MICU1: variants seen among roughly 807,000 people sequenced by gnomAD.
MICU1 encodes mitochondrial calcium uptake 1, also known as calcium uptake protein 1, mitochondrial.
In MICU1, 45 loss-of-function variants were observed where a neutral mutation model predicts 56.8. That is an observed-to-expected ratio of 0.79 (90% CI 0.62 to 1.02). The LOEUF (loss-of-function observed/expected upper bound fraction) is 1.02, where lower values mean the gene tolerates loss of function less well. Ranked by LOEUF, MICU1 falls within the 50% of genes least tolerant of loss-of-function variation. The probability of loss-of-function intolerance (pLI) is 0.00; values close to 1 mark genes in which losing one functional copy is unlikely to be tolerated. For synonymous variants in MICU1, 186 were observed against 195.1 expected, an observed-to-expected ratio of 0.95 and a Z score of 0.39; for missense variants, 504 against 587.1, an observed-to-expected ratio of 0.86 and a Z score of 1.46.
intron 3 of MICU1, among the ~76,000 whole-genome samples, chr10:72,555,429 G>A (rs185109303): frequency 2.0e-4 from 31 of 152,156 alleles, no homozygotes; most frequent in African/African-American, 3.4e-4. Flanking sequence ...TTTTTTCTGT[G>A]ATTTGACAAC....
chr10:72,484,799 A>G (rs2132289244), intron 6 of MICU1, among the ~76,000 whole-genome samples: 1 of 152,340 alleles, frequency 6.6e-6, no homozygotes, highest in South Asian at 2.1e-4. Context: ...GTCATCATTT[A>G]CCTACATTAG....
chr10:72,552,720 AAT>A (rs1403593658), intron 3 of MICU1, among the ~76,000 whole-genome samples: 2 of 151,904 alleles, frequency 1.3e-5, no homozygotes, highest in African/African-American at 4.8e-5. Context: ...ACGCCCGGCT[AAT>A]GTTTTGTATT....
chr10:72,583,870 G>C (rs1840972955), intron 1 of MICU1, among the ~76,000 whole-genome samples: 1 of 152,134 alleles, frequency 6.6e-6, no homozygotes, highest in South Asian at 2.1e-4. Flanking sequence ...ACATTTCATA[G>C]CTTAAAGTGA....
In MICU1 at chr10:72,562,923, T is replaced by C. The variant is rs1370548175; in HGVS notation, c.302A>G (p.Lys101Arg). ...DLAPHPEEKK[K>R]KRSGFRDRKV... The stretch of plus-strand genomic sequence containing the variant: ...TCTGTCTCTGAATCCAGAACGTTTC[T>C]TCTTTTTCTCTTCTGGGTGAGGGGC... The change falls in exon 3 of 12, where the codon AAG (lysine) becomes AGG (arginine). Residue 101 changes from lysine to arginine, a missense_variant. Coordinates refer to ENST00000361114, the MANE Select transcript of MICU1 (RefSeq NM_001195518.2). The C allele has an allele frequency of 1.2e-6, 2 of 1,601,246 alleles. No individual in the cohort carries two copies. Among genetic ancestry groups the C allele is most frequent in the Non-Finnish European group, 1.7e-6 (2 of 1,175,842 alleles).
In MICU1 at chr10:72,605,456, T is replaced by C. The variant is rs559729788; in HGVS notation, c.-2+20554A>G. Among the ~76,000 whole-genome samples the C allele has an allele frequency of 4.6e-5, 7 of 152,342 alleles. No individual in the cohort carries two copies. In the East Asian group the frequency reaches 1.2e-3, roughly 25 times the overall value. ...TCTGCCTATGAAGTAGTCACCCATT[T>C]ATCCCCTTACTTTCTTAATAAACTT... is the stretch of plus-strand genomic sequence containing the variant. On this transcript the variant is annotated intron_variant, in intron 1 of 11. Coordinates refer to ENST00000361114, the MANE Select transcript of MICU1 (RefSeq NM_001195518.2).
At chr10:72,468,840 T>C (rs370670013) in intron 8 of MICU1, among the ~76,000 whole-genome samples, 2 of 152,344 alleles carry the variant, frequency 1.3e-5, no homozygotes, top group South Asian at 2.1e-4. Context: ...ATTTGGTCTT[T>C]TTCTGTCTCT....
chr10:72,447,041 T>C (rs1865127490), intron 8 of MICU1, among the ~76,000 whole-genome samples: 1 of 152,344 alleles, frequency 6.6e-6, no homozygotes, highest in Non-Finnish European at 1.5e-5. Flanking sequence ...ACATTTTGCA[T>C]GTTTATAAGA....
intron 1 of MICU1, among the ~76,000 whole-genome samples, chr10:72,611,797 A>C (rs1339800222): frequency 6.6e-6 from 1 of 152,052 alleles, no homozygotes; most frequent in African/African-American, 2.4e-5. Context: ...GAGAGGGAAC[A>C]GGCCAGGGAG....
chr10:72,403,998 T>A (rs1047139747), intron 10 of MICU1, among the ~76,000 whole-genome samples: 4 of 110,496 alleles, frequency 3.6e-5, no homozygotes, highest in Non-Finnish European at 1.0e-4. Flanking sequence ...TTTTGTTTGT[T>A]TGTTTTTTGG....
chr10:72,388,150 C>T (rs139534406), intron 10 of MICU1, among the ~76,000 whole-genome samples: 3 of 152,286 alleles, frequency 2.0e-5, no homozygotes, highest in African/African-American at 4.8e-5. Flanking sequence ...ATATAGTTAA[C>T]GCTCAATAAA....
At chr10:72,391,155 C>T (rs1328634442) in intron 10 of MICU1, among the ~76,000 whole-genome samples, 5 of 152,170 alleles carry the variant, frequency 3.3e-5, no homozygotes, top group South Asian at 2.1e-4. Flanking sequence ...AAGAAAATGT[C>T]GGGTGCAGTG....
At position 72,367,816 on chromosome 10, in the gene MICU1, T is replaced by A. The variant is rs1470448623; in HGVS notation, c.*379A>T. 1.1e-5 allele frequency: 2 copies of A among 175,204 alleles called. No individual in the cohort carries two copies. Among genetic ancestry groups the A allele is most frequent in the African/African-American group, 4.7e-5 (2 of 42,352 alleles). The allele number at this position is 175,204 out of a possible 1,614,324, so 10.9% of individuals were successfully genotyped here. A position where few individuals can be genotyped will look rare whatever the true frequency, so the allele number is the denominator to read the frequency against. ...CAGCAGGAGGGAAGTCAAGGAATGT[T>A]CTTGTTAGTATAAATCCATAGCAAA... On this transcript the variant is annotated 3_prime_UTR_variant, in exon 12 of 12. Coordinates refer to ENST00000361114, the MANE Select transcript of MICU1 (RefSeq NM_001195518.2).
At chr10:72,463,022 C>T (rs1302056627) in intron 8 of MICU1, among the ~76,000 whole-genome samples, 1 of 151,656 alleles carries the variant, frequency 6.6e-6, no homozygotes, top group African/African-American at 2.4e-5. Flanking sequence ...AATTGCAAAG[C>T]TATCTGCAAA....
chr10:72,583,176 T>C (rs1450053574), intron 1 of MICU1: 1 of 151,038 alleles, frequency 6.6e-6, no homozygotes, highest in Non-Finnish European at 1.5e-5. Flanking sequence ...AGGGATTCAA[T>C]TACATTAGGT....
chr10:72,560,699 G>A (rs7076114), intron 3 of MICU1, among the ~76,000 whole-genome samples: 5,172 of 152,116 alleles, frequency 0.034, 286 homozygotes, highest in African/African-American at 0.11. Context: ...GTGAAACCCC[G>A]TTTCTACTGA....
chr10:72,601,015 G>A (rs1841518150), intron 1 of MICU1, among the ~76,000 whole-genome samples: 2 of 151,230 alleles, frequency 1.3e-5, no homozygotes, highest in African/African-American at 4.9e-5. Flanking sequence ...CTCAGGGGAA[G>A]AAGAAGTTGT....
intron 1 of MICU1, among the ~76,000 whole-genome samples, chr10:72,598,819 G>A (rs566286911): frequency 6.6e-6 from 1 of 152,132 alleles, no homozygotes; most frequent in South Asian, 2.1e-4. Context: ...AACTATTTCA[G>A]AGCATTCTAC....
At chr10:72,379,574 G>GTT (rs2132044002) in intron 10 of MICU1, 1 of 427,544 alleles carries the variant, frequency 2.3e-6, no homozygotes, top group African/African-American at 2.0e-5. Flanking sequence ...CATGAAGATG[G>GTT]TGCCCTTTCC....
At position 72,600,481 on chromosome 10, in the gene MICU1, T is replaced by A. The variant is rs1296379503; in HGVS notation, c.-2+25529A>T. ...CTGGCCAACATGATGAAACCCCATC[T>A]CTACTGAAAATATAAAAATTAGCTG... On this transcript the variant is annotated intron_variant, in intron 1 of 11. Coordinates refer to ENST00000361114, the MANE Select transcript of MICU1 (RefSeq NM_001195518.2). Among the ~76,000 whole-genome samples the A allele has an allele frequency of 3.3e-5, 5 of 151,600 alleles. No homozygotes were observed. The East Asian group carries it at 7.7e-4, about 23-fold the overall frequency.
Sources: allele counts gnomAD v4.1 joint callset (sites outside exome capture counted in the v4.1 genomes callset), GRCh38; gene constraint gnomAD v4.1.1; transcripts MANE v1.5; gene names NCBI Gene and HGNC (gene_info 2026-07-23, HGNC 2026-07-21).